Variants in ANTXR1 observed in about 807,000 individuals in gnomAD.
ANTXR1 encodes the protein ANTXR cell adhesion molecule 1, also known as anthrax toxin receptor 1.
In ANTXR1, 19 loss-of-function variants were observed where a neutral mutation model predicts 78.1. That is an observed-to-expected ratio of 0.24 (90% CI 0.17 to 0.36). The LOEUF (loss-of-function observed/expected upper bound fraction) is 0.36, where lower values mean the gene tolerates loss of function less well. Ranked by LOEUF, ANTXR1 falls within the 10% of genes least tolerant of loss-of-function variation. The pLI, the probability that ANTXR1 is intolerant of heterozygous loss-of-function variation, is 1.00. For synonymous variants in ANTXR1, 273 were observed against 260.5 expected, an observed-to-expected ratio of 1.05 and a Z score of -0.46; for missense variants, 518 against 718.6, an observed-to-expected ratio of 0.72 and a Z score of 3.19.
intron 12 of ANTXR1, among the ~76,000 whole-genome samples, chr2:69,149,470 T>G (rs1673327718): frequency 6.6e-6 from 1 of 152,178 alleles, no homozygotes; most frequent in South Asian, 2.1e-4. Flanking sequence ...TCCCCCAAAA[T>G]ATATCAGCCC....
At chr2:69,237,498 A>G (rs955048705) in intron 17 of ANTXR1, among the ~76,000 whole-genome samples, 6 of 152,212 alleles carry the variant, frequency 3.9e-5, no homozygotes, top group Admixed American at 3.3e-4. Context: ...CAGCAGTGCC[A>G]TGATAGCCCA....
chr2:69,240,993 C>T lies in ANTXR1; in HGVS notation c.1435-4232C>T, dbSNP rs551402196. ...GCTGGCATCCTAAGCCTTCATTTAG[C>T]TGGAGATATTGTTGCATTTTCTTCT... is the stretch of plus-strand genomic sequence containing the variant. On this transcript the variant is annotated intron_variant, in intron 17 of 17. Transcript: ENST00000303714. Among the ~76,000 whole-genome samples the T allele has an allele frequency of 1.8e-4, 27 of 152,268 alleles. No individual in the cohort carries two copies. The South Asian group carries it at 5.4e-3, about 30-fold the overall frequency.
At chr2:69,126,266 C>T (rs895343988) in intron 12 of ANTXR1, among the ~76,000 whole-genome samples, 1 of 152,170 alleles carries the variant, frequency 6.6e-6, no homozygotes, top group Non-Finnish European at 1.5e-5. Context: ...TGTAAAGGTA[C>T]AGATGATGGG....
intron 17 of ANTXR1, among the ~76,000 whole-genome samples, chr2:69,212,226 G>T (rs1193004617): frequency 6.6e-6 from 1 of 152,194 alleles, no homozygotes; most frequent in Non-Finnish European, 1.5e-5. Flanking sequence ...GGAGGAGGAG[G>T]ATGGGAGGAG....
At chr2:69,230,800 T>C in intron 17 of ANTXR1, among the ~76,000 whole-genome samples, 1 of 152,204 alleles carries the variant, frequency 6.6e-6, no homozygotes, top group East Asian at 1.9e-4. Context: ...TAACAATCTA[T>C]ATTTCTTTTA....
At chr2:69,047,793 T>C (rs1157582427) in intron 3 of ANTXR1, among the ~76,000 whole-genome samples, 1 of 152,174 alleles carries the variant, frequency 6.6e-6, no homozygotes, top group Non-Finnish European at 1.5e-5. Context: ...AAGCATACTC[T>C]ATCTTGGCTG....
intron 14 of ANTXR1, among the ~76,000 whole-genome samples, chr2:69,179,895 G>A (rs1199963328): frequency 4.6e-5 from 7 of 152,228 alleles, no homozygotes; most frequent in African/African-American, 1.7e-4. Flanking sequence ...TATCATGAAT[G>A]CAATATGTGT....
rs545664594 is a variant in ANTXR1 at position 69,202,659 on chromosome 2, G to T, written c.1434+9244G>T. ...GTCCTCCTTAGTGACATGGGTTGTA[G>T]ATCCCAGGTATGAGTGAGAGGGCAG... is the stretch of plus-strand genomic sequence containing the variant. On this transcript the variant is annotated intron_variant, in intron 17 of 17. Transcript: ENST00000303714. Among the ~76,000 whole-genome samples, 13 of 152,306 alleles carry T rather than the reference G, an allele frequency of 8.5e-5. No individual in the cohort carries two copies. The South Asian group carries it at 2.7e-3, about 32-fold the overall frequency.
chr2:69,040,731 C>T (rs2104073603), intron 2 of ANTXR1, among the ~76,000 whole-genome samples: 1 of 152,324 alleles, frequency 6.6e-6, no homozygotes, highest in South Asian at 2.1e-4. Flanking sequence ...AATGAGGTCA[C>T]TTCACCCCAC....
chr2:69,065,031 T>C (rs966483607), intron 3 of ANTXR1, among the ~76,000 whole-genome samples: 5 of 151,864 alleles, frequency 3.3e-5, no homozygotes, highest in African/African-American at 9.7e-5. Context: ...ATCAATAAAA[T>C]TGAAAATAGA....
rs531572855 is a variant in ANTXR1, at chr2:69,120,361, C to T, written c.803-2656C>T. Among the ~76,000 whole-genome samples the T allele has an allele frequency of 3.3e-5, 5 of 152,266 alleles. No homozygotes were observed. The South Asian group carries it at 6.2e-4, about 19-fold the overall frequency. On this transcript the variant is annotated intron_variant, in intron 10 of 17. Transcript: ENST00000303714. ...TGTATTATCATCACCGATGGAAGGA[C>T]ATCTTGAAAATAATAATGCTTGGGC...
At chr2:69,224,352 C>T (rs769927326) in intron 17 of ANTXR1, among the ~76,000 whole-genome samples, 3 of 152,164 alleles carry the variant, frequency 2.0e-5, no homozygotes, top group Non-Finnish European at 2.9e-5. Flanking sequence ...AAGATTGTGG[C>T]AACACACTTT....
intron 17 of ANTXR1, among the ~76,000 whole-genome samples, chr2:69,227,644 C>T (rs1028278119): frequency 1.3e-5 from 2 of 152,212 alleles, no homozygotes; most frequent in African/African-American, 4.8e-5. Context: ...CCAGGATCAA[C>T]ATGGCAGCTC....
At chr2:69,147,123 A>C (rs1359733011) in intron 12 of ANTXR1, among the ~76,000 whole-genome samples, 1 of 152,234 alleles carries the variant, frequency 6.6e-6, no homozygotes, top group Admixed American at 6.5e-5. Flanking sequence ...GCCAGGCTCT[A>C]TGGGGGTCAG....
intron 3 of ANTXR1, among the ~76,000 whole-genome samples, chr2:69,046,802 A>G (rs1200023237): frequency 2.0e-5 from 3 of 152,156 alleles, no homozygotes; most frequent in Admixed American, 2.0e-4. Context: ...GTATTTTTCT[A>G]TCTCACTTGA....
chr2:69,123,189 C>G (rs970277693), intron 11 of ANTXR1, 103 bp downstream of exon 11: 20 of 1,227,422 alleles, frequency 1.6e-5, no homozygotes, highest in Admixed American at 3.4e-5. Context: ...GAGCCTTTCT[C>G]TAGGTTCCTC....
chr2:69,065,621 A>T (rs1670377189), intron 3 of ANTXR1, among the ~76,000 whole-genome samples: 1 of 152,190 alleles, frequency 6.6e-6, no homozygotes, highest in African/African-American at 2.4e-5. Flanking sequence ...CTGTGTATAA[A>T]TTGTATTTCA....
chr2:69,071,891 T>C, intron 5 of ANTXR1, 104 bp downstream of exon 5: 1 of 1,041,862 alleles, frequency 9.6e-7, no homozygotes, highest in South Asian at 1.3e-5. Flanking sequence ...ACATGTATGA[T>C]ATTATCTGTA....
At chr2:69,107,997 A>G (rs1671865547) in intron 10 of ANTXR1, among the ~76,000 whole-genome samples, 1 of 152,252 alleles carries the variant, frequency 6.6e-6, no homozygotes, top group African/African-American at 2.4e-5. Context: ...TCTAATATTG[A>G]TCTGAAAGTT....
Sources: allele counts gnomAD v4.1 joint callset (sites outside exome capture counted in the v4.1 genomes callset), GRCh38; gene constraint gnomAD v4.1.1; transcripts MANE v1.5; gene names NCBI Gene and HGNC (gene_info 2026-07-23, HGNC 2026-07-21).